Variants in PLD1 observed in about 807,000 individuals in gnomAD.
The protein encoded by PLD1 is phospholipase D1, also known as choline phosphatase 1.
Under a neutral mutation model 137.1 loss-of-function variants are expected in PLD1, and 112 were observed. The ratio of observed to expected loss-of-function variants is 0.82; its 90% confidence interval spans 0.70 to 0.96. The LOEUF (loss-of-function observed/expected upper bound fraction) is 0.96. Among genes scored for constraint, PLD1 ranks in the 40% least tolerant of loss-of-function variants. The pLI, the probability that PLD1 is intolerant of heterozygous loss-of-function variation, is 0.00. For synonymous variants in PLD1, 431 were observed against 454.7 expected, an observed-to-expected ratio of 0.95 and a Z score of 0.66; for missense variants, 1,321 against 1,342.0, an observed-to-expected ratio of 0.98 and a Z score of 0.24.
intron 23 of PLD1, among the ~76,000 whole-genome samples, chr3:171,625,516 C>T (rs865920371): frequency 9.2e-5 from 14 of 152,348 alleles, no homozygotes; most frequent in African/African-American, 2.2e-4. Flanking sequence ...TCTCCCAGCA[C>T]GCAGCTGGAG....
At chr3:171,733,007 T>G (rs1313384147) in intron 6 of PLD1, among the ~76,000 whole-genome samples, 1 of 152,244 alleles carries the variant, frequency 6.6e-6, no homozygotes, top group Non-Finnish European at 1.5e-5. Flanking sequence ...TTAACAGGCA[T>G]GACAAACCAA....
intron 23 of PLD1, among the ~76,000 whole-genome samples, chr3:171,640,557 A>G (rs1735649725): frequency 6.6e-6 from 1 of 152,168 alleles, no homozygotes; most frequent in South Asian, 2.1e-4. Context: ...CCTGTACCAA[A>G]TGAGTTTCTT....
intron 21 of PLD1, among the ~76,000 whole-genome samples, chr3:171,649,482 A>G (rs1435518416): frequency 1.3e-5 from 2 of 152,206 alleles, no homozygotes; most frequent in African/African-American, 2.4e-5. Flanking sequence ...CCTTGATCCA[A>G]TCCACAGAGG....
intron 23 of PLD1, among the ~76,000 whole-genome samples, chr3:171,641,639 T>C (rs2108369418): frequency 6.6e-6 from 1 of 152,270 alleles, no homozygotes; most frequent in Non-Finnish European, 1.5e-5. Flanking sequence ...AGCAGCTCCA[T>C]TCTCTTGGTC....
intron 12 of PLD1, among the ~76,000 whole-genome samples, chr3:171,693,510 T>C (rs1715401542): frequency 6.6e-6 from 1 of 152,016 alleles, no homozygotes; most frequent in African/African-American, 2.4e-5. Flanking sequence ...CAGAATGTAT[T>C]ACCTCCAGGA....
intron 1 of PLD1, among the ~76,000 whole-genome samples, chr3:171,749,641 G>C (rs1418235376): frequency 6.6e-6 from 1 of 152,156 alleles, no homozygotes; most frequent in African/African-American, 2.4e-5. Context: ...TTTTGTATAA[G>C]GGCTGGTCCC....
chr3:171,751,204 G>T (rs1349245932), intron 1 of PLD1, among the ~76,000 whole-genome samples: 1 of 152,072 alleles, frequency 6.6e-6, no homozygotes, highest in African/African-American at 2.4e-5. Context: ...ATATTTTTAG[G>T]ATTAAAGAGC....
chr3:171,764,729 C>T (rs1255193073), intron 1 of PLD1, among the ~76,000 whole-genome samples: 1 of 151,132 alleles, frequency 6.6e-6, no homozygotes, highest in Non-Finnish European at 1.5e-5. Flanking sequence ...TCTACACGGT[C>T]TTTGAAAATC....
At chr3:171,760,520 T>C (rs934035483) in intron 1 of PLD1, among the ~76,000 whole-genome samples, 3 of 152,222 alleles carry the variant, frequency 2.0e-5, no homozygotes, top group Non-Finnish European at 4.4e-5. Flanking sequence ...TTCTATAAAC[T>C]GCCTAAAATA....
intron 1 of PLD1, chr3:171,792,321 T>C: frequency 3.1e-6 from 1 of 324,798 alleles, no homozygotes; most frequent in Non-Finnish European, 6.1e-6. Context: ...ATTGGCCCCA[T>C]CATGCACCCA....
chr3:171,722,699 A>C (rs148992625), intron 8 of PLD1, among the ~76,000 whole-genome samples: 273 of 152,308 alleles, frequency 1.8e-3, no homozygotes, highest in Non-Finnish European at 3.2e-3. Flanking sequence ...GATGTAATTC[A>C]CATATCATAA....
At chr3:171,760,473 T>G (rs1249378425) in intron 1 of PLD1, among the ~76,000 whole-genome samples, 4 of 152,250 alleles carry the variant, frequency 2.6e-5, no homozygotes, top group Non-Finnish European at 1.5e-5. Context: ...ACTCTTATTC[T>G]GTTACTGTCA....
At chr3:171,727,651 T>C (rs559860529) in intron 6 of PLD1, among the ~76,000 whole-genome samples, 132 of 152,242 alleles carry the variant, frequency 8.7e-4, no homozygotes, top group Non-Finnish European at 1.5e-3. Flanking sequence ...TGAACCACAC[T>C]AGATACATGT....
chr3:171,764,941 A>AGGAAGGAAG (rs373195474), intron 1 of PLD1, among the ~76,000 whole-genome samples: 5 of 15,330 alleles, frequency 3.3e-4, no homozygotes, highest in African/African-American at 1.1e-3. Flanking sequence ...AAGGAAAGAA[A>AGGAAGGAAG]GAAAGAAAGA....
chr3:171,713,355 G>A (rs1014146300), intron 9 of PLD1, among the ~76,000 whole-genome samples: 2 of 152,198 alleles, frequency 1.3e-5, no homozygotes, highest in African/African-American at 2.4e-5. Flanking sequence ...CAGCTACTCA[G>A]GAGGCTGAAG....
At chr3:171,604,188 C>G (rs992537117) in intron 26 of PLD1, among the ~76,000 whole-genome samples, 2 of 151,714 alleles carry the variant, frequency 1.3e-5, no homozygotes, top group Admixed American at 1.3e-4. Context: ...CTGGTGGGCA[C>G]CTGTAGGCCC....
intron 9 of PLD1, among the ~76,000 whole-genome samples, chr3:171,713,485 G>A (rs1454802487): frequency 6.6e-6 from 1 of 152,124 alleles, no homozygotes; most frequent in Non-Finnish European, 1.5e-5. Flanking sequence ...CAGAGAAAAA[G>A]AAGATATCTT....
chr3:171,770,649 A>C (rs1243675591), intron 1 of PLD1, among the ~76,000 whole-genome samples: 1 of 152,170 alleles, frequency 6.6e-6, no homozygotes, highest in Non-Finnish European at 1.5e-5. Context: ...TGGGAGGACA[A>C]GGCAGGCAAA....
chr3:171,754,756 T>C (rs1054848869), intron 1 of PLD1, among the ~76,000 whole-genome samples: 1 of 152,222 alleles, frequency 6.6e-6, no homozygotes, highest in Admixed American at 6.5e-5. Flanking sequence ...TAAATATTAG[T>C]GATATTACAT....
Sources: gnomAD v4.1 joint callset for allele counts (sites outside exome capture counted in the v4.1 genomes callset) on GRCh38, gnomAD v4.1.1 for gene constraint, MANE v1.5 for transcripts, NCBI Gene and HGNC (gene_info 2026-07-23, HGNC 2026-07-21) for gene names.